Variants in RBFOX3 observed in about 807,000 individuals in gnomAD.
The protein encoded by RBFOX3 is RNA binding protein fox-1 homolog 3.
RBFOX3 carries 17 observed loss-of-function variants against 48.7 expected under a neutral mutation model. That is an observed-to-expected ratio of 0.35 (90% confidence interval 0.24 to 0.52). The LOEUF (loss-of-function observed/expected upper bound fraction) is 0.52. RBFOX3 is among the 20% of genes least tolerant of loss of function. RBFOX3 has a pLI of 0.94. For missense variants in RBFOX3, 382 were observed against 497.5 expected (o/e 0.77, Z 2.21); for synonymous variants, 212 against 209.5 (o/e 1.01, Z -0.10).
intron 4 of RBFOX3, among the ~76,000 whole-genome samples, chr17:79,150,697 T>A (rs1347238324): frequency 6.6e-6 from 1 of 151,976 alleles, no homozygotes; most frequent in Non-Finnish European, 1.5e-5. Context: ...TCTCCTCCTT[T>A]CCCCAGCAAC....
chr17:79,104,169 G>T (rs1456685864), intron 6 of RBFOX3, 43 bp from the exon 7 acceptor site: 29 of 1,513,290 alleles, frequency 1.9e-5, no homozygotes, highest in Non-Finnish European at 2.5e-5. Flanking sequence ...AGACAGGAAA[G>T]TGCGGGTTAA....
chr17:79,533,706 C>G (rs1447552671), intron 1 of RBFOX3, among the ~76,000 whole-genome samples: 2 of 152,212 alleles, frequency 1.3e-5, no homozygotes, highest in Non-Finnish European at 2.9e-5. Context: ...AGGAGGGCAG[C>G]CTGGGTCATC....
At chr17:79,456,590 T>G (rs1555745065) in intron 2 of RBFOX3, among the ~76,000 whole-genome samples, 1 of 152,150 alleles carries the variant, frequency 6.6e-6, no homozygotes, top group East Asian at 1.9e-4. Context: ...ACCAGACCAT[T>G]CTTTTAAAAT....
At chr17:79,188,460 A>C (rs2053853770) in intron 4 of RBFOX3, among the ~76,000 whole-genome samples, 3 of 151,872 alleles carry the variant, frequency 2.0e-5, no homozygotes, top group African/African-American at 7.3e-5. Context: ...CATCCGTCTC[A>C]CTTACAACCA....
intron 2 of RBFOX3, among the ~76,000 whole-genome samples, chr17:79,427,671 T>C (rs4790037): frequency 0.18 from 27,704 of 152,248 alleles, 2,896 homozygotes; most frequent in East Asian, 0.45. Flanking sequence ...AGAAGGATCC[T>C]GTTGGGGAAA....
chr17:79,534,207 T>G (rs1266110952), intron 1 of RBFOX3, among the ~76,000 whole-genome samples: 2 of 152,202 alleles, frequency 1.3e-5, no homozygotes, highest in African/African-American at 2.4e-5. Flanking sequence ...AACGAAAATG[T>G]CATCCAACTT....
intron 4 of RBFOX3, among the ~76,000 whole-genome samples, chr17:79,203,827 T>C (rs2703517): frequency 0.94 from 143,098 of 152,150 alleles, 67,796 homozygotes; most frequent in Non-Finnish European, 1. Context: ...ACCAATTGTA[T>C]ACCAATTGTA....
At chr17:79,185,474 G>C (rs2053214966) in intron 4 of RBFOX3, among the ~76,000 whole-genome samples, 1 of 152,192 alleles carries the variant, frequency 6.6e-6, no homozygotes. Flanking sequence ...TGGTGCCCTG[G>C]AGTGGCCCTT....
chr17:79,092,192 C>T, intron 14 of RBFOX3: 1 of 985,528 alleles, frequency 1.0e-6, no homozygotes, highest in Non-Finnish European at 1.2e-6. Context: ...TTCTGTGCAG[C>T]CTGGGAGGCC....
intron 3 of RBFOX3, among the ~76,000 whole-genome samples, chr17:79,245,629 ATTTTT>A (rs10577875): frequency 2.3e-5 from 3 of 130,286 alleles, no homozygotes; most frequent in Non-Finnish European, 1.6e-5. Flanking sequence ...GAACATTTGG[ATTTTT>A]TTTTTTTTTT....
rs758656116 is a variant in RBFOX3, at chr17:79,097,348, G to T, written c.699C>A (p.Ala233=). The T allele has an allele frequency of 3.2e-6, 5 of 1,548,520 alleles. No homozygotes were observed. The highest frequency in any genetic ancestry group is 1.2e-5 in the South Asian group (1 of 83,966). The change falls in exon 11 of 15, where the codon GCC becomes GCA. Residue 233 remains alanine, a synonymous_variant. Coordinates refer to ENST00000693108, the MANE Select transcript of RBFOX3 (RefSeq NM_001350451.2). The stretch of plus-strand genomic sequence containing the variant: ...GCGCAGCCCGAAATGTATTATACAC[G>T]GCCCGGCCCCGGCCCCGAAGATGTG... ...RGAHLRGRGR[A]VYNTFRAAPP...
At chr17:79,574,585 T>C (rs1456481760) in intron 1 of RBFOX3, among the ~76,000 whole-genome samples, 1 of 152,204 alleles carries the variant, frequency 6.6e-6, no homozygotes, top group African/African-American at 2.4e-5. Context: ...CCCATCCTTC[T>C]TCCAGAAAAC....
intron 4 of RBFOX3, among the ~76,000 whole-genome samples, chr17:79,232,175 G>A (rs575302670): frequency 3.7e-4 from 57 of 152,278 alleles, no homozygotes; most frequent in Admixed American, 1.4e-3. Context: ...ATTACAATTC[G>A]AGGTGAGATG....
intron 2 of RBFOX3, among the ~76,000 whole-genome samples, chr17:79,383,964 G>T (rs2060253794): frequency 6.6e-6 from 1 of 152,204 alleles, no homozygotes; most frequent in Non-Finnish European, 1.5e-5. Flanking sequence ...GTGGGGGAAG[G>T]CAAGATTCAG....
At chr17:79,416,914 C>A (rs1473752775) in intron 2 of RBFOX3, among the ~76,000 whole-genome samples, 5 of 152,236 alleles carry the variant, frequency 3.3e-5, no homozygotes, top group Non-Finnish European at 7.3e-5. Context: ...ACCTGGCTGG[C>A]AGGTTGGGCA....
chr17:79,534,364 T>C (rs1555788187), intron 1 of RBFOX3, among the ~76,000 whole-genome samples: 1 of 152,198 alleles, frequency 6.6e-6, no homozygotes, highest in Non-Finnish European at 1.5e-5. Flanking sequence ...CGGAACATTG[T>C]CAAGCCATTC....
chr17:79,627,606 C>A, the RBFOX3 span, among the ~76,000 whole-genome samples: 1 of 152,198 alleles, frequency 6.6e-6, no homozygotes, highest in Non-Finnish European at 1.5e-5. Context: ...CTCCAAGGAT[C>A]CGAGACCCAA....
At chr17:79,138,941 ACCC>A (rs35354104) in intron 4 of RBFOX3, among the ~76,000 whole-genome samples, 45,026 of 84,008 alleles carry the variant, frequency 0.54, 9,009 homozygotes, top group Non-Finnish European at 0.57. Flanking sequence ...ATGCATTCAC[ACCC>A]CCCTCAGCCC....
At chr17:79,424,471 C>A (rs1169393727) in intron 2 of RBFOX3, among the ~76,000 whole-genome samples, 1 of 152,200 alleles carries the variant, frequency 6.6e-6, no homozygotes, top group African/African-American at 2.4e-5. Context: ...TCTCGACTCT[C>A]AGCAGCCATG....
Sources: gnomAD v4.1 joint callset for allele counts (sites outside exome capture counted in the v4.1 genomes callset) on GRCh38, gnomAD v4.1.1 for gene constraint, MANE v1.5 for transcripts, NCBI Gene and HGNC (gene_info 2026-07-23, HGNC 2026-07-21) for gene names.